The following PGLYRP4 variants were observed in gnomAD, a reference collection of about 807,000 sequenced individuals.
The protein encoded by PGLYRP4 is peptidoglycan recognition protein 4, also known as PGRP-I-beta.
In PGLYRP4, 39 loss-of-function variants were observed where a neutral mutation model predicts 41.2. That is an observed-to-expected ratio of 0.95 (90% CI 0.73 to 1.24). PGLYRP4 has a LOEUF of 1.24. PGLYRP4 is among the 50% of genes most tolerant of loss of function. The pLI is 0.00. For synonymous variants in PGLYRP4, 202 were observed against 186.8 expected (o/e 1.08, Z -0.66); for missense variants, 467 against 460.7 (o/e 1.01, Z -0.13).
At chr1:153,333,028 C>T (rs1660400890) in intron 8 of PGLYRP4, among the ~76,000 whole-genome samples, 1 of 151,678 alleles carries the variant, frequency 6.6e-6, no homozygotes, top group African/African-American at 2.4e-5. Flanking sequence ...ATAAAGATCA[C>T]AGCAGAACTA....
chr1:153,348,100 C>A, intron 1 of PGLYRP4, 122 bp from the exon 2 acceptor site: 3 of 618,594 alleles, frequency 4.8e-6, no homozygotes, highest in Non-Finnish European at 8.8e-6. Flanking sequence ...AGGGCCAGCA[C>A]CTGCTTCAGT....
chr1:153,339,657 A>G (rs1271454232), intron 7 of PGLYRP4, among the ~76,000 whole-genome samples: 3 of 152,184 alleles, frequency 2.0e-5, no homozygotes, highest in Admixed American at 2.0e-4. Context: ...TGTTTTGTGG[A>G]CTATTCATTT....
chr1:153,336,230 G>A (rs778808495), intron 8 of PGLYRP4, among the ~76,000 whole-genome samples: 3 of 151,848 alleles, frequency 2.0e-5, no homozygotes, highest in African/African-American at 4.8e-5. Context: ...AATTAGCCAG[G>A]TGTGGTGGCA....
chr1:153,341,179 C>A (rs932291875), intron 6 of PGLYRP4, among the ~76,000 whole-genome samples: 13 of 152,160 alleles, frequency 8.5e-5, no homozygotes, highest in Non-Finnish European at 1.8e-4. Flanking sequence ...ATAAATGTGT[C>A]CAGTCCCTTT....
chr1:153,346,047 A>C (rs1372098682), intron 3 of PGLYRP4, 55 bp downstream of exon 3: 1 of 1,287,864 alleles, frequency 7.8e-7, no homozygotes, highest in Non-Finnish European at 1.1e-6. Flanking sequence ...ATTTCCGATC[A>C]CATGAAAAAC....
chr1:153,341,402 G>C (rs976610619), intron 6 of PGLYRP4, among the ~76,000 whole-genome samples: 1 of 152,214 alleles, frequency 6.6e-6, no homozygotes, highest in Non-Finnish European at 1.5e-5. Flanking sequence ...TGACACCAGG[G>C]ATAATGCTAT....
intron 5 of PGLYRP4, among the ~76,000 whole-genome samples, chr1:153,342,865 C>T (rs1660855067): frequency 1.3e-5 from 2 of 152,184 alleles, no homozygotes; most frequent in Non-Finnish European, 2.9e-5. Flanking sequence ...AAAGAGGAGC[C>T]TGTTTACAGG....
At chr1:153,337,333 T>A in intron 7 of PGLYRP4, 34 bp from the exon 8 acceptor site, 1 of 1,277,478 alleles carries the variant, frequency 7.8e-7, no homozygotes, top group Non-Finnish European at 1.1e-6. Context: ...GAGACCAGCA[T>A]GAAATTCTGG....
intron 8 of PGLYRP4, among the ~76,000 whole-genome samples, chr1:153,336,344 T>G (rs1426771941): frequency 9.0e-6 from 1 of 111,190 alleles, no homozygotes; most frequent in Non-Finnish European, 1.6e-5. Flanking sequence ...TGTTCCAGCC[T>G]GGGTGACAGA....
chr1:153,338,777 G>A (rs919372890), intron 7 of PGLYRP4, among the ~76,000 whole-genome samples: 3 of 152,150 alleles, frequency 2.0e-5, no homozygotes, highest in African/African-American at 7.2e-5. Context: ...TGTTCCCACA[G>A]GGATTGCTTC....
rs748819709 is a variant in PGLYRP4 at position 153,330,845 on chromosome 1, G to T, written c.1044C>A (p.His348Gln). ...GAGACAAGGTTCGGGCCACATCACT[G>T]TGGCCCACCAGCAGGTAGTTGGGAG... The part of the protein sequence containing the change: ...YLTPNYLLVG[H>Q]SDVARTLSPG... The change falls in exon 9 of 9, where the codon CAC becomes CAA. Residue 348 changes from histidine (H) to glutamine (Q), a missense_variant. Physicochemically the swap from His to Gln is conservative, Grantham distance 24. Coordinates refer to ENST00000359650, the MANE Select transcript of PGLYRP4 (RefSeq NM_020393.4). The T allele has an allele frequency of 6.2e-7, 1 of 1,613,978 alleles. No homozygotes were observed. Among genetic ancestry groups the T allele is most frequent in the Non-Finnish European group, 8.5e-7 (1 of 1,179,920 alleles).
chr1:153,347,858 T>C (rs3006457), intron 2 of PGLYRP4, 26 bp downstream of exon 2: 1,334,399 of 1,570,944 alleles, frequency 0.85, 567,616 homozygotes, highest in East Asian at 0.89. Context: ...CTCGGTTGCT[T>C]TTTGGCCCAG....
chr1:153,332,881 C>A (rs973637527), intron 8 of PGLYRP4, among the ~76,000 whole-genome samples: 1 of 151,814 alleles, frequency 6.6e-6, no homozygotes, highest in African/African-American at 2.4e-5. Context: ...CAACAAAAAA[C>A]AGTGATAAGA....
intron 7 of PGLYRP4, among the ~76,000 whole-genome samples, chr1:153,337,798 T>A (rs1660629938): frequency 6.6e-6 from 1 of 152,140 alleles, no homozygotes; most frequent in Non-Finnish European, 1.5e-5. Context: ...TCCTTACCAT[T>A]AAATACAAAG....
intron 8 of PGLYRP4, among the ~76,000 whole-genome samples, chr1:153,336,608 A>T (rs551733781): frequency 6.6e-6 from 1 of 152,168 alleles, no homozygotes; most frequent in African/African-American, 2.4e-5. Flanking sequence ...AGGATTAGGG[A>T]TAAGACGTTA....
chr1:153,340,531 T>C lies in PGLYRP4; in HGVS notation c.674A>G (p.His225Arg), dbSNP rs990417825. 2 of 1,614,128 alleles carry C rather than the reference T, an allele frequency of 1.2e-6. No individual in the cohort carries two copies. The highest frequency in any genetic ancestry group is 1.7e-6 in the Non-Finnish European group (2 of 1,180,002). ...PRSVWGARETHCPRMTLPAKY... is the reference protein window; with the variant it reads ...PRSVWGARETRCPRMTLPAKY... ...CGCTGGGAGAGTCATCCTGGGACAG[T>C]GGGTCTCCCTGGCTCCCCACACAGA... The change falls in exon 7 of 9, where the codon CAC becomes CGC. Residue 225 changes from histidine to arginine, a missense_variant. Coordinates refer to ENST00000359650, the MANE Select transcript of PGLYRP4 (RefSeq NM_020393.4).
chr1:153,344,496 G>A (rs532687787), intron 4 of PGLYRP4, among the ~76,000 whole-genome samples: 273 of 152,290 alleles, frequency 1.8e-3, no homozygotes, highest in Non-Finnish European at 3.0e-3. Context: ...CCCTTTTGTC[G>A]TCAGGGGCTG....
chr1:153,334,483 T>C (rs2101552722), intron 8 of PGLYRP4, among the ~76,000 whole-genome samples: 1 of 146,432 alleles, frequency 6.8e-6, no homozygotes, highest in East Asian at 2.0e-4. Flanking sequence ...TATATTTATA[T>C]ATATATACAC....
At chr1:153,340,627 C>T in intron 6 of PGLYRP4, 48 bp from the exon 7 acceptor site, 2 of 1,571,166 alleles carry the variant, frequency 1.3e-6, no homozygotes, top group Non-Finnish European at 8.7e-7. Context: ...CCCATCTATG[C>T]CAGCCACTTC....
Sources: allele counts gnomAD v4.1 joint callset (sites outside exome capture counted in the v4.1 genomes callset), GRCh38; gene constraint gnomAD v4.1.1; transcripts MANE v1.5; gene names NCBI Gene and HGNC (gene_info 2026-07-23, HGNC 2026-07-21).